COBL: variants seen among roughly 807,000 people sequenced by gnomAD.
The protein encoded by COBL is cordon-bleu WH2 repeat protein.
A neutral mutation model predicts 98.8 loss-of-function variants in COBL; 51 were observed. That is an observed-to-expected ratio of 0.52 (90% confidence interval 0.41 to 0.65). COBL has a LOEUF of 0.65. COBL is among the 30% of genes least tolerant of loss of function. The probability of loss-of-function intolerance (pLI) is 0.00; values close to 1 mark genes in which losing one functional copy is unlikely to be tolerated. For missense variants in COBL, 1,617 were observed against 1,617.5 expected (o/e 1.00, Z 0.01); for synonymous variants, 634 against 651.7 (o/e 0.97, Z 0.41).
chr7:51,245,044 C>T (rs1796164294), intron 1 of COBL, among the ~76,000 whole-genome samples: 1 of 152,136 alleles, frequency 6.6e-6, no homozygotes, highest in Non-Finnish European at 1.5e-5. Context: ...GAAACGCCTC[C>T]AAAGAGGAGC....
intron 1 of COBL, among the ~76,000 whole-genome samples, chr7:51,299,258 C>T (rs144039170): frequency 0.013 from 1,944 of 152,322 alleles, 47 homozygotes; most frequent in Non-Finnish European, 0.012. Flanking sequence ...TCACACACAG[C>T]GGTGTCCACT....
intron 1 of COBL, among the ~76,000 whole-genome samples, chr7:51,233,054 A>T (rs1471649487): frequency 1.3e-5 from 2 of 152,244 alleles, no homozygotes; most frequent in Admixed American, 6.5e-5. Context: ...ATAAGAGAAA[A>T]TAAATACAAA....
At chr7:51,093,067 A>G (rs1343983562) in intron 6 of COBL, among the ~76,000 whole-genome samples, 1 of 152,228 alleles carries the variant, frequency 6.6e-6, no homozygotes, top group Non-Finnish European at 1.5e-5. Context: ...CAGCAAAGAA[A>G]ACAATGAACA....
At chr7:51,174,420 G>A (rs1181277663) in intron 5 of COBL, among the ~76,000 whole-genome samples, 1 of 152,074 alleles carries the variant, frequency 6.6e-6, no homozygotes, top group Admixed American at 6.6e-5. Flanking sequence ...ATAAAGATAA[G>A]ACTGAAGAAG....
rs1484028367 is a variant in COBL, at chr7:51,028,668, C to A, written c.2428G>T (p.Asp810Tyr). ...TQNPESRLQA[D>Y]PKPISPQQKS... ...TGCTGGGGCGATATTGGCTTGGGGT[C>A]TGCTTGGAGTCTGCTCTCTGGATTC... is the stretch of plus-strand genomic sequence containing the variant. Residue 810 changes from aspartate to tyrosine, a missense_variant, in exon 10 of 13, where the codon GAC becomes TAC. Around this residue, in one of 3 missense-constraint regions of COBL, gnomAD observed 1,304 missense variants for 1,282.0 expected, o/e 1.02. Coordinates refer to ENST00000265136, the MANE Select transcript of COBL (RefSeq NM_015198.5). 6.2e-7 allele frequency: 1 copy of A among 1,612,638 alleles called. No homozygotes were observed. Among genetic ancestry groups the A allele is most frequent in the South Asian group, 1.1e-5 (1 of 90,878 alleles).
chr7:51,024,597 A>G (rs1006506610), intron 12 of COBL, among the ~76,000 whole-genome samples: 8 of 152,196 alleles, frequency 5.3e-5, no homozygotes, highest in Non-Finnish European at 8.8e-5. Context: ...GCTCTGCCCA[A>G]GGGACTTCAG....
intron 1 of COBL, among the ~76,000 whole-genome samples, chr7:51,253,043 C>G (rs192352756): frequency 3.3e-5 from 5 of 151,896 alleles, no homozygotes; most frequent in Non-Finnish European, 5.9e-5. Flanking sequence ...CTCAACATGA[C>G]AAAACCCCGT....
intron 3 of COBL, 138 bp from the exon 4 acceptor site, chr7:51,191,216 G>A: frequency 1.5e-6 from 1 of 678,414 alleles, no homozygotes; most frequent in Admixed American, 2.4e-5. Flanking sequence ...GTGAGTAATG[G>A]GGGAAAACAG....
intron 7 of COBL, among the ~76,000 whole-genome samples, chr7:51,066,548 T>A (rs1415426695): frequency 1.3e-5 from 2 of 152,242 alleles, no homozygotes; most frequent in Admixed American, 1.3e-4. Flanking sequence ...TTTCTTATCA[T>A]CTACGTGCTG....
intron 7 of COBL, among the ~76,000 whole-genome samples, chr7:51,067,177 C>A (rs973190662): frequency 6.6e-6 from 1 of 152,200 alleles, no homozygotes; most frequent in Admixed American, 6.5e-5. Context: ...ACATACTGTC[C>A]TTGGCCTCAT....
In COBL at chr7:51,028,145, C is replaced by T. The variant is rs1338723096; in HGVS notation, c.2951G>A (p.Arg984Lys). The change falls in exon 10 of 13, where the codon AGG becomes AAG. Residue 984 changes from arginine to lysine, a missense_variant. Arg to Lys is a conservative substitution (Grantham distance 26). Around this residue, in one of 3 missense-constraint regions of COBL, gnomAD observed 1,304 missense variants for 1,282.0 expected, o/e 1.02. Transcript: ENST00000265136. Reference sequence around the variant, plus strand: ...GCTCTGTCCCACAGAAACACGATCCCTCTGGGAAGACTGAACCAGTGAGAA... The same window carrying T: ...GCTCTGTCCCACAGAAACACGATCCTTCTGGGAAGACTGAACCAGTGAGAA... Reference protein sequence around the residue: ...SCFSLVQSSQRDRVSVGQSCG... With the variant: ...SCFSLVQSSQKDRVSVGQSCG... The T allele has an allele frequency of 1.9e-6, 3 of 1,614,120 alleles. No individual in the cohort carries two copies. Among genetic ancestry groups the T allele is most frequent in the African/African-American group, 1.3e-5 (1 of 74,948 alleles).
intron 1 of COBL, among the ~76,000 whole-genome samples, chr7:51,316,182 G>A (rs959481621): frequency 3.3e-5 from 5 of 152,196 alleles, no homozygotes; most frequent in African/African-American, 1.2e-4. Flanking sequence ...CCAGGGGCAA[G>A]CCCGCAGGGA....
rs576335667 is a variant in COBL at position 51,280,932 on chromosome 7, T to C, written c.41+35661A>G. 6.6e-5 allele frequency among the ~76,000 whole-genome samples: 10 copies of C among 152,298 alleles called. No individual in the cohort carries two copies. The South Asian group carries it at 1.9e-3, about 28-fold the overall frequency. ...AATTGCCAGATTTAAAAATTATATA[T>C]GTCAACATTCTCCATAAGCTTTAAA... is the stretch of plus-strand genomic sequence containing the variant. On this transcript the variant is annotated intron_variant, in intron 1 of 12. Coordinates refer to ENST00000265136, the MANE Select transcript of COBL (RefSeq NM_015198.5).
rs143047515 is a variant in COBL at position 51,186,688 on chromosome 7, G to A, written c.686-2489C>T. On this transcript the variant is annotated intron_variant, in intron 4 of 12. Transcript: ENST00000265136. Reference sequence around the variant, plus strand: ...CTGTCTGGAGGCACCAGGGGCCTGTGACTCACAGTGCTGAGCTGCGCCTAA... The same window carrying A: ...CTGTCTGGAGGCACCAGGGGCCTGTAACTCACAGTGCTGAGCTGCGCCTAA... Among the ~76,000 whole-genome samples the A allele has an allele frequency of 1.2e-3, 181 of 152,328 alleles. 4 individuals are homozygous for A. The Middle Eastern group carries it at 0.027, about 23-fold the overall frequency.
At chr7:51,026,350 C>T (rs932053021) in intron 11 of COBL, among the ~76,000 whole-genome samples, 196 bp downstream of exon 11, 2 of 152,198 alleles carry the variant, frequency 1.3e-5, no homozygotes, top group African/African-American at 4.8e-5. Context: ...CTGCTCCTTG[C>T]CATGGCTGCC....
At chr7:51,116,866 T>A (rs1797313116) in intron 6 of COBL, among the ~76,000 whole-genome samples, 1 of 152,200 alleles carries the variant, frequency 6.6e-6, no homozygotes, top group East Asian at 1.9e-4. Context: ...TCTTCAGCAC[T>A]TTAAAGATGT....
At chr7:51,236,939 T>G (rs1795313736) in intron 1 of COBL, among the ~76,000 whole-genome samples, 1 of 152,194 alleles carries the variant, frequency 6.6e-6, no homozygotes. Flanking sequence ...ACAGCTGAGC[T>G]TGACAGGGCT....
At chr7:51,282,523 A>T (rs1403297908) in intron 1 of COBL, among the ~76,000 whole-genome samples, 2 of 152,150 alleles carry the variant, frequency 1.3e-5, no homozygotes, top group Non-Finnish European at 2.9e-5. Flanking sequence ...AAGATATAAC[A>T]ATCCTAAACT....
At chr7:51,082,237 C>T (rs1196684393) in intron 7 of COBL, among the ~76,000 whole-genome samples, 3 of 152,156 alleles carry the variant, frequency 2.0e-5, no homozygotes, top group Admixed American at 6.5e-5. Context: ...CTCCTGGCCG[C>T]ATGCACAGTG....
Sources: gnomAD v4.1 joint callset for allele counts (sites outside exome capture counted in the v4.1 genomes callset) on GRCh38, gnomAD v4.1.1 for gene constraint, gnomAD v4.1.1 regional missense constraint, MANE v1.5 for transcripts, NCBI Gene and HGNC (gene_info 2026-07-23, HGNC 2026-07-21) for gene names.